The following RTTN variants were observed in gnomAD, a reference collection of about 807,000 sequenced individuals.
RTTN encodes the protein rotatin.
RTTN carries 182 observed loss-of-function variants against 269.2 expected under a neutral mutation model. The ratio of observed to expected loss-of-function variants is 0.68; its 90% CI spans 0.60 to 0.76. The LOEUF (loss-of-function observed/expected upper bound fraction) is 0.76. Among genes scored for constraint, RTTN ranks in the 30% least tolerant of loss-of-function variants. The pLI is 0.00. For missense variants in RTTN, 2,545 were observed against 2,608.6 expected, an observed-to-expected ratio of 0.98 and a Z score of 0.53; for synonymous variants, 1,006 against 963.5, an observed-to-expected ratio of 1.04 and a Z score of -0.82.
At chr18:70,111,028 G>T (rs1231328402) in intron 27 of RTTN, among the ~76,000 whole-genome samples, 5 of 152,220 alleles carry the variant, frequency 3.3e-5, no homozygotes, top group Non-Finnish European at 7.3e-5. Context: ...GTCTGGGCAG[G>T]GCATCTCTGA....
intron 14 of RTTN, among the ~76,000 whole-genome samples, chr18:70,162,558 C>A (rs977004400): frequency 6.6e-6 from 1 of 152,074 alleles, no homozygotes; most frequent in African/African-American, 2.4e-5. Context: ...AGAGACAATG[C>A]CAGATGTTTA....
At chr18:70,097,844 G>A (rs376343928) in intron 28 of RTTN, among the ~76,000 whole-genome samples, 3 of 152,124 alleles carry the variant, frequency 2.0e-5, no homozygotes, top group African/African-American at 7.2e-5. Flanking sequence ...TGAAACGTAG[G>A]TGTGATCTAA....
intron 31 of RTTN, among the ~76,000 whole-genome samples, 187 bp from the exon 32 acceptor site, chr18:70,086,871 A>C (rs2058715825): frequency 1.3e-5 from 2 of 152,096 alleles, no homozygotes; most frequent in Non-Finnish European, 2.9e-5. Context: ...TTAGGTGATG[A>C]CCTTCTTAGG....
intron 14 of RTTN, among the ~76,000 whole-genome samples, chr18:70,156,700 C>T (rs2060687179): frequency 6.6e-6 from 1 of 152,196 alleles, no homozygotes; most frequent in Admixed American, 6.5e-5. Context: ...AAATTTCCCT[C>T]TTTTGTACTC....
intron 12 of RTTN, among the ~76,000 whole-genome samples, chr18:70,168,500 C>A (rs1482324166): frequency 6.6e-6 from 1 of 152,072 alleles, no homozygotes; most frequent in African/African-American, 2.4e-5. Context: ...CAAGTAAGCA[C>A]TAAAATAGCC....
intron 19 of RTTN, 49 bp from the exon 20 acceptor site, chr18:70,140,237 TA>T (rs1280630584): frequency 9.6e-7 from 1 of 1,036,448 alleles, no homozygotes. Context: ...TTTTGTAGTT[TA>T]AAACACGTAT....
At chr18:70,189,505 T>C (rs2061621741) in intron 9 of RTTN, among the ~76,000 whole-genome samples, 1 of 152,232 alleles carries the variant, frequency 6.6e-6, no homozygotes, top group East Asian at 1.9e-4. Context: ...TGAAAATGTA[T>C]AGATTTTGAG....
At chr18:70,090,056 A>G (rs1409913456) in intron 30 of RTTN, among the ~76,000 whole-genome samples, 3 of 152,204 alleles carry the variant, frequency 2.0e-5, no homozygotes, top group Non-Finnish European at 4.4e-5. Flanking sequence ...TCATGGACTT[A>G]ATCAGACATC....
At chr18:70,117,176 G>A (rs530886960) in intron 26 of RTTN, among the ~76,000 whole-genome samples, 13 of 151,984 alleles carry the variant, frequency 8.6e-5, no homozygotes, top group East Asian at 3.9e-4. Flanking sequence ...CTAATCAGGC[G>A]TTCATATCTG....
At position 70,199,517 on chromosome 18, in the gene RTTN, G is replaced by A. The variant is rs1219496973; in HGVS notation, c.488-13C>T. On this transcript the variant is annotated splice_polypyrimidine_tract_variant and intron_variant, in intron 4 of 48. Coordinates refer to ENST00000640769, the MANE Select transcript of RTTN (RefSeq NM_173630.4). ...ACAGTCTGATTTACTGTCAGTGAAA[G>A]AGCAAATCTTATGGTATCAAAGAAT... 1 of 1,548,056 alleles carries A rather than the reference G, an allele frequency of 6.5e-7. No individual in the cohort carries two copies. Among genetic ancestry groups the A allele is most frequent in the Admixed American group, 1.7e-5 (1 of 59,850 alleles).
chr18:70,144,587 T>A (rs1392484468), intron 18 of RTTN, among the ~76,000 whole-genome samples: 1 of 152,144 alleles, frequency 6.6e-6, no homozygotes, highest in Non-Finnish European at 1.5e-5. Flanking sequence ...AGAAGACGTA[T>A]TAGAATGCCC....
chr18:70,144,622 A>G (rs1029012576), intron 18 of RTTN, among the ~76,000 whole-genome samples: 2 of 152,188 alleles, frequency 1.3e-5, no homozygotes, highest in African/African-American at 4.8e-5. Flanking sequence ...TCCATACATC[A>G]GGGCACAGGA....
At chr18:70,201,102 C>A (rs557581033) in intron 4 of RTTN, among the ~76,000 whole-genome samples, 47 of 152,134 alleles carry the variant, frequency 3.1e-4, no homozygotes, top group Non-Finnish European at 6.3e-4. Flanking sequence ...CTGAACACAG[C>A]CAGATACAAA....
Position 70,086,615 on chromosome 18 carries a change from G to A in RTTN, c.4372C>T (p.Gln1458Ter), listed in dbSNP as rs2058704506. Residue 1458 changes from glutamine to a stop codon, truncating the protein, a stop_gained and splice_region_variant, in exon 32 of 49, where the codon CAG (glutamine) becomes TAG (stop). Transcript: ENST00000640769. LOFTEE classifies it high-confidence loss of function. ...GATAATTGTTTAAAATCACCCACCT[G>A]CCAAGTATAATCCTTTATAATTTCT... is the stretch of plus-strand genomic sequence containing the variant. ...PTEIIKDYTW[Q>*]GPCVHDEDSG... 1.9e-6 allele frequency: 3 copies of A among 1,546,958 alleles called. No individual in the cohort carries two copies. The highest frequency in any genetic ancestry group is 8.7e-7 in the Non-Finnish European group (1 of 1,145,764).
intron 23 of RTTN, chr18:70,128,834 C>G (rs1157080059): frequency 3.8e-6 from 1 of 260,836 alleles, no homozygotes; most frequent in Admixed American, 4.6e-5. Flanking sequence ...AAGTCAGGGA[C>G]CATGAATACA....
chr18:70,157,395 T>C (rs906729174), intron 14 of RTTN, among the ~76,000 whole-genome samples: 1 of 152,190 alleles, frequency 6.6e-6, no homozygotes, highest in Non-Finnish European at 1.5e-5. Context: ...ACCAAGCCAA[T>C]TGACTAATCC....
At chr18:70,111,250 G>A (rs527764455) in intron 27 of RTTN, among the ~76,000 whole-genome samples, 97 of 152,338 alleles carry the variant, frequency 6.4e-4, no homozygotes, top group Middle Eastern at 6.8e-3. Context: ...CCTGACCCCC[G>A]TGTATCCTGA....
chr18:70,007,034 T>C (rs1436250990), intron 46 of RTTN: 2 of 152,482 alleles, frequency 1.3e-5, no homozygotes, highest in Non-Finnish European at 2.9e-5. Flanking sequence ...AGGCGGGTGA[T>C]TTCTGCATTT....
intron 10 of RTTN, among the ~76,000 whole-genome samples, chr18:70,181,858 T>C (rs1196947854): frequency 1.3e-5 from 2 of 152,194 alleles, no homozygotes; most frequent in Non-Finnish European, 1.5e-5. Flanking sequence ...TTCTGTTTTA[T>C]TTAGCATTTG....
Sources: gnomAD v4.1 joint callset for allele counts (sites outside exome capture counted in the v4.1 genomes callset) on GRCh38, gnomAD v4.1.1 for gene constraint, MANE v1.5 for transcripts, NCBI Gene and HGNC (gene_info 2026-07-23, HGNC 2026-07-21) for gene names.